DOC2A: variants seen among roughly 807,000 people sequenced by gnomAD.
DOC2A encodes the protein double C2 domain alpha, also known as double C2-like domain-containing protein alpha.
A neutral mutation model predicts 40.6 loss-of-function variants in DOC2A; 28 were observed. The observed-to-expected ratio is 0.69, with a 90% CI of 0.51 to 0.95. DOC2A has a LOEUF of 0.95. Ranked by LOEUF, DOC2A falls within the 40% of genes least tolerant of loss-of-function variation. The pLI, the probability that DOC2A is intolerant of heterozygous loss-of-function variation, is 0.00. For missense variants in DOC2A, 474 were observed against 552.5 expected (o/e 0.86, Z 1.42); for synonymous variants, 241 against 236.9 (o/e 1.02, Z -0.16).
rs1229140314 is a variant in DOC2A at position 30,010,676 on chromosome 16, C to A, written c.-14+227G>T. Among the ~76,000 whole-genome samples the A allele has an allele frequency of 6.6e-6, 1 of 152,174 alleles. No individual in the cohort carries two copies. Among genetic ancestry groups the A allele is most frequent in the Non-Finnish European group, 1.5e-5 (1 of 68,028 alleles). On this transcript the variant is annotated intron_variant, in intron 1 of 10. Transcript: ENST00000350119. The surrounding 1 kb of genome is among the most constrained non-coding windows in gnomAD (Gnocchi z 4.2). ...TGTCACCCACCCCTCTAGGCTCCAA[C>A]TGCCCACTGTCCCCTCATTCAGCCC...
At chr16:30,011,316 G>C, upstream of DOC2A, 3 of 983,628 alleles carry the variant, frequency 3.0e-6, no homozygotes, top group Non-Finnish European at 3.6e-6. Context: ...CCAGGCGCGC[G>C]CTGGCACACT....
chr16:30,022,105 C>T (rs924807573), upstream of DOC2A, among the ~76,000 whole-genome samples: 6 of 151,784 alleles, frequency 4.0e-5, no homozygotes, highest in African/African-American at 1.4e-4. Flanking sequence ...AAAAATCAGC[C>T]GAACAGTGAT....
In DOC2A at chr16:30,009,468, G is replaced by T. The variant is rs1351141708; in HGVS notation, c.342+10C>A. On this transcript the variant is annotated intron_variant, in intron 3 of 10. Coordinates refer to ENST00000350119, the MANE Select transcript of DOC2A (RefSeq NM_003586.3). The surrounding 1 kb of genome is among the most constrained non-coding windows in gnomAD (Gnocchi z 4.1). ...ACCGGGCCCGGGCTTGGGTGGCAGG[G>T]AGTGCCCACCTTGGCCCTGAGGATG... The T allele has an allele frequency of 1.3e-6, 2 of 1,551,238 alleles. No individual in the cohort carries two copies. Among genetic ancestry groups the T allele is most frequent in the South Asian group, 1.2e-5 (1 of 84,052 alleles).
In DOC2A at chr16:30,010,045, C is replaced by T; in HGVS notation, c.178G>A (p.Ala60Thr). The T allele has an allele frequency of 6.2e-7, 1 of 1,611,932 alleles. No homozygotes were observed. The highest frequency in any genetic ancestry group is 1.8e-4 in the Middle Eastern group (1 of 5,486). ...AGGAGGGCTGCAGGGGGGGCCAGAGCCAGGGGGACCAGATGGGCGGGGGCC... is the reference window on the plus strand; with the variant it reads ...AGGAGGGCTGCAGGGGGGGCCAGAGTCAGGGGGACCAGATGGGCGGGGGCC... ...GEAPAHLVPLALAPPAALLGA... is the reference protein window; with the variant it reads ...GEAPAHLVPLTLAPPAALLGA... Residue 60 changes from alanine to threonine, a missense_variant, in exon 2 of 11, where the codon GCT (alanine) becomes ACT (threonine). Physicochemically the swap from Ala to Thr is moderately conservative, Grantham distance 58 (BLOSUM62 0). Coordinates refer to ENST00000350119, the MANE Select transcript of DOC2A (RefSeq NM_003586.3). This position sits in a 1 kb window ranked among gnomAD's most constrained non-coding sequence, Gnocchi z 4.2.
At chr16:30,021,961 C>CAGAG (rs1369910874), upstream of DOC2A, among the ~76,000 whole-genome samples, 1 of 151,934 alleles carries the variant, frequency 6.6e-6, no homozygotes. Context: ...AGAGTACCTG[C>CAGAG]CTCTGGGCTG....
upstream of DOC2A, among the ~76,000 whole-genome samples, chr16:30,016,055 A>ATATATATATATATATTT (rs1163519904): frequency 5.9e-5 from 1 of 16,896 alleles, no homozygotes; most frequent in Non-Finnish European, 9.5e-5. Context: ...ATATATATAT[A>ATATATATATATATATTT]TTTTTTTTTT....
chr16:30,012,576 CGA>C (rs1393987449), upstream of DOC2A: 1 of 150,174 alleles, frequency 6.7e-6, no homozygotes, highest in Admixed American at 6.6e-5. Context: ...GAAATGGGGC[CGA>C]GAGTGGTGGC....
chr16:30,017,508 G>C (rs1284601905), intron 1 of DOC2A, among the ~76,000 whole-genome samples: 1 of 152,140 alleles, frequency 6.6e-6, no homozygotes, highest in East Asian at 1.9e-4. Context: ...GGATGCAGCT[G>C]GAGGCCATTA....
chr16:30,022,552 T>C (rs1177002926), upstream of DOC2A, among the ~76,000 whole-genome samples: 1 of 152,024 alleles, frequency 6.6e-6, no homozygotes, highest in Non-Finnish European at 1.5e-5. Flanking sequence ...ATGCCTGTGG[T>C]CCCAGCTACT....
chr16:30,008,816 A>C (rs1304055339), intron 5 of DOC2A, 180 bp downstream of exon 5: 1 of 604,196 alleles, frequency 1.7e-6, no homozygotes, highest in Middle Eastern at 4.4e-4. Context: ...GGCAGGAGAT[A>C]TTGAGGGGCA....
In DOC2A at chr16:30,006,654, T is replaced by C. The variant is rs1424977067; in HGVS notation, c.902A>G (p.Lys301Arg). Residue 301 changes from lysine to arginine, a missense_variant, in exon 9 of 11, where the codon AAG (lysine) becomes AGG (arginine). Transcript: ENST00000350119. The surrounding 1 kb of genome is among the most constrained non-coding windows in gnomAD (Gnocchi z 6.2). ...CACACACGTCTTATGCTTGGATTTC[T>C]TGTCCACATCGGGCCTCAGGTACCT... The part of the protein sequence containing the change: ...VKTYLRPDVD[K>R]KSKHKTCVKK... 1 of 1,613,688 alleles carries C rather than the reference T, an allele frequency of 6.2e-7. No homozygotes were observed. The highest frequency in any genetic ancestry group is 8.5e-7 in the Non-Finnish European group (1 of 1,179,984).
At position 30,009,629 on chromosome 16, in the gene DOC2A, T is replaced by C. The variant is rs2070719547; in HGVS notation, c.263-72A>G. 1.5e-6 allele frequency: 2 copies of C among 1,318,574 alleles called. No homozygotes were observed. The highest frequency in any genetic ancestry group is 2.1e-6 in the Non-Finnish European group (2 of 943,482). The allele number at this position is 1,318,574 out of a possible 1,614,324, so 81.7% of individuals were successfully genotyped here. A position where few individuals can be genotyped will look rare whatever the true frequency, so the allele number is the denominator to read the frequency against. On this transcript the variant is annotated intron_variant, in intron 2 of 10. Coordinates refer to ENST00000350119, the MANE Select transcript of DOC2A (RefSeq NM_003586.3). The surrounding 1 kb of genome is among the most constrained non-coding windows in gnomAD (Gnocchi z 4.1). ...GTGCGAGAGGCCAGCAGGTGGGCACTGGCTCTGTGTGTCTCTCTCTCTTGC... is the reference window on the plus strand; with the variant it reads ...GTGCGAGAGGCCAGCAGGTGGGCACCGGCTCTGTGTGTCTCTCTCTCTTGC...
chr16:30,009,981 C>G lies in DOC2A; in HGVS notation c.242G>C (p.Ser81Thr). ...TTPEDGAEVD[S>T]YDSDDATALG... ...CTCACTGGCATCATCCGAGTCATAG[C>G]TGTCCACCTCCGCACCATCCTCAGG... Residue 81 changes from serine to threonine, a missense_variant, in exon 2 of 11, where the codon AGC becomes ACC. Physicochemically the swap from Ser to Thr is moderately conservative, Grantham distance 58. Coordinates refer to ENST00000350119, the MANE Select transcript of DOC2A (RefSeq NM_003586.3). This position sits in a 1 kb window ranked among gnomAD's most constrained non-coding sequence, Gnocchi z 4.1. 1 of 1,611,752 alleles carries G rather than the reference C, an allele frequency of 6.2e-7. No homozygotes were observed. Among genetic ancestry groups the G allele is most frequent in the South Asian group, 1.1e-5 (1 of 91,004 alleles).
chr16:30,022,515 G>A (rs920210494), upstream of DOC2A, among the ~76,000 whole-genome samples: 7 of 151,824 alleles, frequency 4.6e-5, no homozygotes, highest in Non-Finnish European at 8.8e-5. Flanking sequence ...TACAAAAAAT[G>A]CAAAAATTAG....
chr16:30,020,475 G>A (rs1567289296), intron 1 of DOC2A, among the ~76,000 whole-genome samples: 1 of 152,108 alleles, frequency 6.6e-6, no homozygotes. Context: ...GGGAGGCCAG[G>A]GTGGGAGAAT....
upstream of DOC2A, chr16:30,011,140 G>A (rs2070769632): frequency 4.2e-6 from 3 of 718,198 alleles, no homozygotes; most frequent in African/African-American, 1.9e-5. Context: ...CCCACCCGGG[G>A]CCCGCTCGGG....
chr16:30,006,853 T>C lies in DOC2A; in HGVS notation c.810A>G (p.Val270=), dbSNP rs1165840799. The part of the protein sequence containing the change: ...SYSSRRRGLL[V]GILRCAHLAA... Reference sequence around the variant, plus strand: ...CCAGATGGGCGCAGCGCAAGATGCCTACCAGCAGTCCCCGGCGCCGCGAGC... The same window carrying C: ...CCAGATGGGCGCAGCGCAAGATGCCCACCAGCAGTCCCCGGCGCCGCGAGC... Residue 270 remains valine, a synonymous_variant, in exon 8 of 11, where the codon GTA becomes GTG. Coordinates refer to ENST00000350119, the MANE Select transcript of DOC2A (RefSeq NM_003586.3). This position sits in a 1 kb window ranked among gnomAD's most constrained non-coding sequence, Gnocchi z 6.2. 1.9e-6 allele frequency: 3 copies of C among 1,613,604 alleles called. No individual in the cohort carries two copies. The African/African-American group carries it at 4.0e-5, about 22-fold the overall frequency.
At position 30,010,154 on chromosome 16, in the gene DOC2A, G is replaced by C. The variant is rs529282003; in HGVS notation, c.69C>G (p.Pro23=). 2 of 1,613,814 alleles carry C rather than the reference G, an allele frequency of 1.2e-6. No individual in the cohort carries two copies. The highest frequency in any genetic ancestry group is 1.7e-6 in the Non-Finnish European group (2 of 1,179,950). Residue 23 remains proline (P), a synonymous_variant, in exon 2 of 11, where the codon CCC becomes CCG. Transcript: ENST00000350119. The surrounding 1 kb of genome is among the most constrained non-coding windows in gnomAD (Gnocchi z 4.2). ...TCTGGCGGATGGGCCGGATGGGCCC[G>C]GGGCACACGTTGATGGCCATGTGCT... The part of the protein sequence containing the change: ...IQEHMAINVC[P]GPIRPIRQIS...
At chr16:30,008,726 G>A in intron 5 of DOC2A, 1 of 411,114 alleles carries the variant, frequency 2.4e-6, no homozygotes, top group South Asian at 2.2e-5. Context: ...GGCTGGTCTT[G>A]AACTCCTGAC....
Sources: gnomAD v4.1 joint callset for allele counts (sites outside exome capture counted in the v4.1 genomes callset) on GRCh38, gnomAD v4.1.1 for gene constraint, Gnocchi (gnomAD v3.1) non-coding constraint, MANE v1.5 for transcripts, NCBI Gene and HGNC (gene_info 2026-07-23, HGNC 2026-07-21) for gene names.